DLG2: variants seen among roughly 807,000 people sequenced by gnomAD.
The protein encoded by DLG2 is discs large MAGUK scaffold protein 2.
In DLG2, 45 loss-of-function variants were observed where a neutral mutation model predicts 132.5. The observed-to-expected ratio is 0.34, with a 90% CI of 0.27 to 0.44. The LOEUF is 0.44. DLG2 is among the 20% of genes least tolerant of loss of function. The probability of loss-of-function intolerance (pLI) is 1.00; values close to 1 mark genes in which losing one functional copy is unlikely to be tolerated. For synonymous variants in DLG2, 424 were observed against 419.6 expected, an observed-to-expected ratio of 1.01 and a Z score of -0.13; for missense variants, 1,045 against 1,196.9, an observed-to-expected ratio of 0.87 and a Z score of 1.87.
intron 4 of DLG2, among the ~76,000 whole-genome samples, chr11:85,164,203 A>T (rs950080472): frequency 7.2e-5 from 11 of 152,062 alleles, no homozygotes; most frequent in African/African-American, 2.7e-4. Flanking sequence ...TCTCCTATAT[A>T]AATATAAATT....
intron 8 of DLG2, among the ~76,000 whole-genome samples, chr11:84,218,213 A>G (rs1293120123): frequency 1.3e-5 from 2 of 149,224 alleles, no homozygotes; most frequent in African/African-American, 4.9e-5. Context: ...GAAGGAAGGA[A>G]GGAAAGAAAG....
At chr11:85,492,551 AC>A (rs957650234) in intron 3 of DLG2, among the ~76,000 whole-genome samples, 1 of 152,164 alleles carries the variant, frequency 6.6e-6, no homozygotes, top group Admixed American at 6.5e-5. Flanking sequence ...TTTATATTTA[AC>A]ATTTTTGTTT....
At chr11:83,619,713 A>G (rs937058934) in intron 19 of DLG2, among the ~76,000 whole-genome samples, 5 of 152,178 alleles carry the variant, frequency 3.3e-5, no homozygotes, top group Admixed American at 2.6e-4. Context: ...GGGCAGGAAC[A>G]CAGAATTTTA....
intron 3 of DLG2, among the ~76,000 whole-genome samples, chr11:85,583,054 AAAAAT>A (rs1484974151): frequency 0.025 from 2,978 of 121,168 alleles, 141 homozygotes; most frequent in African/African-American, 0.092. Flanking sequence ...AGGGGAAAAA[AAAAAT>A]ATATATATAT....
At chr11:85,312,967 CT>C in intron 3 of DLG2, among the ~76,000 whole-genome samples, 1 of 151,872 alleles carries the variant, frequency 6.6e-6, no homozygotes, top group Non-Finnish European at 1.5e-5. Context: ...CACCAAAACC[CT>C]TTTGGATATA....
At chr11:83,606,220 A>T (rs886558864) in intron 19 of DLG2, among the ~76,000 whole-genome samples, 3 of 152,228 alleles carry the variant, frequency 2.0e-5, no homozygotes, top group Admixed American at 6.5e-5. Context: ...ACACTACTAT[A>T]CATACTAGCA....
At chr11:85,290,786 T>C (rs1435044516) in intron 3 of DLG2, among the ~76,000 whole-genome samples, 3 of 152,000 alleles carry the variant, frequency 2.0e-5, no homozygotes, top group African/African-American at 4.8e-5. Context: ...CAGTCCAATC[T>C]CTCTCTCTTT....
intron 3 of DLG2, among the ~76,000 whole-genome samples, chr11:85,476,714 C>A (rs1422887634): frequency 2.0e-5 from 3 of 152,036 alleles, no homozygotes; most frequent in Non-Finnish European, 4.4e-5. Context: ...TCATAGTCTG[C>A]CACCTGCACA....
chr11:85,509,733 G>C (rs1329461692), intron 3 of DLG2, among the ~76,000 whole-genome samples: 1 of 151,998 alleles, frequency 6.6e-6, no homozygotes, highest in Non-Finnish European at 1.5e-5. Flanking sequence ...GATACATAGT[G>C]AACGAAAATA....
intron 6 of DLG2, among the ~76,000 whole-genome samples, chr11:84,966,299 G>A (rs1398485378): frequency 1.3e-5 from 2 of 151,988 alleles, no homozygotes; most frequent in African/African-American, 4.8e-5. Context: ...ACATAAAAAT[G>A]AAGCCATTCT....
intron 6 of DLG2, among the ~76,000 whole-genome samples, chr11:84,617,879 C>G (rs1273614692): frequency 6.6e-6 from 1 of 151,922 alleles, no homozygotes; most frequent in Non-Finnish European, 1.5e-5. Context: ...AGCCTTTGCC[C>G]TAAGAGTCTG....
intron 18 of DLG2, among the ~76,000 whole-genome samples, chr11:83,762,221 T>C (rs557741950): frequency 6.6e-6 from 1 of 152,364 alleles, no homozygotes; most frequent in Admixed American, 6.5e-5. Flanking sequence ...TGATTCTTTA[T>C]TCCCGCCAGT....
At chr11:84,635,400 A>T (rs778481330) in intron 6 of DLG2, among the ~76,000 whole-genome samples, 1 of 152,216 alleles carries the variant, frequency 6.6e-6, no homozygotes, top group Non-Finnish European at 1.5e-5. Context: ...TGCCCAGTAG[A>T]TGCTTTAAAA....
At chr11:84,564,352 A>C in intron 6 of DLG2, among the ~76,000 whole-genome samples, 1 of 152,182 alleles carries the variant, frequency 6.6e-6, no homozygotes, top group East Asian at 1.9e-4. Context: ...GATCAGAGTC[A>C]ACCTCAGGGA....
At chr11:84,187,241 G>A (rs781038638) in intron 8 of DLG2, among the ~76,000 whole-genome samples, 63 of 151,790 alleles carry the variant, frequency 4.2e-4, no homozygotes, top group Middle Eastern at 6.8e-3. Context: ...TAATAACAGA[G>A]CTGGTATATC....
chr11:85,539,249 C>T (rs1323994115), intron 3 of DLG2, among the ~76,000 whole-genome samples: 1 of 149,648 alleles, frequency 6.7e-6, no homozygotes, highest in Non-Finnish European at 1.5e-5. Flanking sequence ...GTCATCCTGA[C>T]ACATGATACA....
chr11:83,472,729 T>C lies in DLG2; in HGVS notation c.2342A>G (p.Glu781Gly). The C allele has an allele frequency of 6.2e-7, 1 of 1,611,400 alleles. No individual in the cohort carries two copies. Among genetic ancestry groups the C allele is most frequent in the Non-Finnish European group, 8.5e-7 (1 of 1,178,752 alleles). Residue 781 changes from glutamate to glycine, a missense_variant and splice_region_variant, in exon 23 of 28, where the codon GAA becomes GGA. Transcript: ENST00000376104. ...TGAAAGCGTGCTGGGAAACTTACTT[T>C]CCTGCCTTGTAACAGGCTCATAGGA... The part of the protein sequence containing the change: ...ILSYEPVTRQ[E>G]INYTRPVIIL...
At chr11:83,510,542 T>TC (rs1224791160) in intron 21 of DLG2, among the ~76,000 whole-genome samples, 2 of 152,214 alleles carry the variant, frequency 1.3e-5, no homozygotes, top group Non-Finnish European at 2.9e-5. Context: ...TAGCCTGTAG[T>TC]CCCGTTTTAG....
At chr11:84,388,254 G>A (rs984840424) in intron 7 of DLG2, among the ~76,000 whole-genome samples, 60 of 152,186 alleles carry the variant, frequency 3.9e-4, no homozygotes, top group African/African-American at 1.4e-3. Flanking sequence ...ATTACCAAGA[G>A]GCTACAGATC....
Sources: allele counts gnomAD v4.1 joint callset (sites outside exome capture counted in the v4.1 genomes callset), GRCh38; gene constraint gnomAD v4.1.1; transcripts MANE v1.5; gene names NCBI Gene and HGNC (gene_info 2026-07-23, HGNC 2026-07-21).